CCL24: variants seen among roughly 807,000 people sequenced by gnomAD.
CCL24 encodes the protein C-C motif chemokine 24.
CCL24 carries 6 observed loss-of-function variants against 8.6 expected under a neutral mutation model. The observed-to-expected ratio is 0.70, with a 90% confidence interval of 0.38 to 1.38. The LOEUF (loss-of-function observed/expected upper bound fraction) is 1.38. Among genes scored for constraint, CCL24 ranks in the 40% most tolerant of loss-of-function variants. The pLI is 0.02. For missense variants in CCL24, 126 were observed against 147.1 expected, an observed-to-expected ratio of 0.86 and a Z score of 0.74; for synonymous variants, 59 against 52.7, an observed-to-expected ratio of 1.12 and a Z score of -0.52.
chr7:75,816,568 TTTA>T (rs1187096185), upstream of CCL24, among the ~76,000 whole-genome samples: 2 of 148,552 alleles, frequency 1.3e-5, no homozygotes, highest in Non-Finnish European at 3.0e-5. Flanking sequence ...TATTTATTTA[TTTA>T]TTATTTTTGA....
At chr7:75,820,089 C>CTTCTTCTTCTTCT (rs1491568735) in intron 1 of CCL24, among the ~76,000 whole-genome samples, 4 of 44,480 alleles carry the variant, frequency 9.0e-5, no homozygotes, top group East Asian at 2.9e-3. Context: ...CTTCTTCTTC[C>CTTCTTCTTCTTCT]TCTTCTTCTT....
chr7:75,812,037 G>T, intron 2 of CCL24, 73 bp from the exon 3 acceptor site: 8 of 1,286,258 alleles, frequency 6.2e-6, no homozygotes, highest in Middle Eastern at 2.2e-4. Context: ...ATGGCGGGGG[G>T]GATGTGGACG....
At chr7:75,812,462 G>C (rs1490473320) in intron 2 of CCL24, among the ~76,000 whole-genome samples, 3 of 152,108 alleles carry the variant, frequency 2.0e-5, no homozygotes, top group Non-Finnish European at 4.4e-5. Context: ...CTATTTGGAG[G>C]ACAGACACAT....
rs782355653 is a variant in CCL24 at position 75,813,648 on chromosome 7, G to A, written c.68C>T (p.Pro23Leu). 2 of 1,613,142 alleles carry A rather than the reference G, an allele frequency of 1.2e-6. No individual in the cohort carries two copies. The highest frequency in any genetic ancestry group is 1.7e-6 in the Non-Finnish European group (2 of 1,179,080). The change falls in exon 1 of 3, where the codon CCT becomes CTT. Residue 23 changes from proline (P) to leucine (L), a missense_variant. Physicochemically the swap from Pro to Leu is moderately conservative, Grantham distance 98 (BLOSUM62 -3). Transcript: ENST00000222902. ...CATCCTGTCGGAGGTCTTACCCGTA[G>A]GGATGATGTGGTGGGCACAGACACC... is the stretch of plus-strand genomic sequence containing the variant. ...FLGVCAHHII[P>L]TGSVVIPSPC...
chr7:75,813,284 C>T (rs375061578), intron 2 of CCL24, 22 bp downstream of exon 2: 21 of 1,443,960 alleles, frequency 1.5e-5, no homozygotes, highest in East Asian at 2.3e-5. Flanking sequence ...TCTCCTGCCA[C>T]GTGCCCATGA....
Position 75,811,245 on chromosome 7 carries a change from G to A in CCL24, c.*551C>T, listed in dbSNP as rs782617389. Among the ~76,000 whole-genome samples the A allele has an allele frequency of 4.0e-5, 6 of 151,788 alleles. No homozygotes were observed. The highest frequency in any genetic ancestry group is 1.9e-4 in the East Asian group (1 of 5,178). ...TGTAATCCCAGCACTTTGGGAGGCC[G>A]AGGCAGGTAGATCACTTGAGGCCAG... On this transcript the variant is annotated 3_prime_UTR_variant, in exon 3 of 3. Transcript: ENST00000222902.
chr7:75,811,493 A>G lies in CCL24; in HGVS notation c.*303T>C, dbSNP rs1803758511. Among the ~76,000 whole-genome samples the G allele has an allele frequency of 1.3e-5, 2 of 151,996 alleles. No homozygotes were observed. The highest frequency in any genetic ancestry group is 4.8e-5 in the African/African-American group (2 of 41,496). On this transcript the variant is annotated 3_prime_UTR_variant, in exon 3 of 3. Coordinates refer to ENST00000222902, the MANE Select transcript of CCL24 (RefSeq NM_002991.3). ...GACTCCGTCTCAGAAAAAAAAAAAAAAGAAAAAGCATCAGAACCAGGTCAG... is the reference window on the plus strand; with the variant it reads ...GACTCCGTCTCAGAAAAAAAAAAAAGAGAAAAAGCATCAGAACCAGGTCAG...
chr7:75,822,622 C>CAGG (rs3043412), intron 1 of CCL24, among the ~76,000 whole-genome samples: 74,686 of 151,686 alleles, frequency 0.49, 19,097 homozygotes, highest in East Asian at 0.78. Flanking sequence ...CACCAGGGGT[C>CAGG]AGTTCGAGAC....
upstream of CCL24, among the ~76,000 whole-genome samples, chr7:75,816,307 CT>C (rs201644684): frequency 0.028 from 4,302 of 152,220 alleles, 82 homozygotes; most frequent in Non-Finnish European, 0.04. Context: ...GGCGGGTCCC[CT>C]GATGGAGGCA....
intron 1 of CCL24, among the ~76,000 whole-genome samples, chr7:75,820,901 A>G (rs1180640236): frequency 6.7e-6 from 1 of 150,298 alleles, no homozygotes; most frequent in Non-Finnish European, 1.5e-5. Context: ...CCATTCATTA[A>G]TCCATCCATC....
chr7:75,815,353 A>G (rs958848316), upstream of CCL24, among the ~76,000 whole-genome samples: 3 of 151,542 alleles, frequency 2.0e-5, no homozygotes, highest in African/African-American at 7.3e-5. Flanking sequence ...AAAAAAAAAA[A>G]AAGAAAGGCT....
At chr7:75,815,593 C>T (rs1803872798), upstream of CCL24, among the ~76,000 whole-genome samples, 1 of 152,172 alleles carries the variant, frequency 6.6e-6, no homozygotes. Context: ...GGACAGAAGG[C>T]ACTGGCAACT....
upstream of CCL24, among the ~76,000 whole-genome samples, chr7:75,815,607 C>T (rs1389780785): frequency 2.0e-5 from 3 of 152,150 alleles, no homozygotes; most frequent in South Asian, 2.1e-4. Context: ...GGCAACTACG[C>T]GGAAGCCTGT....
At chr7:75,812,891 C>G (rs1470709675) in intron 2 of CCL24, among the ~76,000 whole-genome samples, 1 of 151,724 alleles carries the variant, frequency 6.6e-6, no homozygotes, top group African/African-American at 2.4e-5. Context: ...GATCGTACCA[C>G]TGCACTCCAG....
intron 1 of CCL24, among the ~76,000 whole-genome samples, chr7:75,820,034 C>CT (rs1803995499): frequency 7.6e-6 from 1 of 132,288 alleles, no homozygotes; most frequent in African/African-American, 2.8e-5. Context: ...TCTTCTTCTT[C>CT]TTCTTCTTCT....
At position 75,813,549 on chromosome 7, in the gene CCL24, G is replaced by A. The variant is rs1803822151; in HGVS notation, c.73+94C>T. ...CATTCACTGGGCCACCCTTTCCCCA[G>A]CGCTTCCCTCCAGCCCCAGGCTGGT... On this transcript the variant is annotated intron_variant, in intron 1 of 2. Transcript: ENST00000222902. The A allele has an allele frequency of 7.6e-6, 10 of 1,315,290 alleles. No individual in the cohort carries two copies. The South Asian group carries it at 1.2e-4, about 16-fold the overall frequency. The allele number at this position is 1,315,290 out of a possible 1,614,324, so 81.5% of individuals were successfully genotyped here. A position where few individuals can be genotyped will look rare whatever the true frequency, so the allele number is the denominator to read the frequency against.
intron 1 of CCL24, among the ~76,000 whole-genome samples, chr7:75,822,317 C>A (rs1253948246): frequency 4.6e-5 from 7 of 152,088 alleles, no homozygotes; most frequent in African/African-American, 1.7e-4. Flanking sequence ...ACTTGGTGGC[C>A]CAGGCAAGGT....
chr7:75,820,923 T>TCATCCATCCATCCATCCATCCATC (rs150165581), intron 1 of CCL24, among the ~76,000 whole-genome samples: 1 of 144,240 alleles, frequency 6.9e-6, no homozygotes, highest in Non-Finnish European at 1.5e-5. Flanking sequence ...ATCCATCAAT[T>TCATCCATCCATCCATCCATCCATC]CATCCATCCA....
Position 75,811,365 on chromosome 7 carries a change from G to C in CCL24, c.*431C>G, listed in dbSNP as rs1239596666. Among the ~76,000 whole-genome samples, 1 of 151,892 alleles carries C rather than the reference G, an allele frequency of 6.6e-6. No individual in the cohort carries two copies. Among genetic ancestry groups the C allele is most frequent in the Non-Finnish European group, 1.5e-5 (1 of 67,974 alleles). ...GTGGTGGTACACACCTGTAGTCCCA[G>C]GTACTCGGGAGGCTGAGGCACGAGA... On this transcript the variant is annotated 3_prime_UTR_variant, in exon 3 of 3. Transcript: ENST00000222902.
Sources: gnomAD v4.1 joint callset for allele counts (sites outside exome capture counted in the v4.1 genomes callset) on GRCh38, gnomAD v4.1.1 for gene constraint, MANE v1.5 for transcripts, NCBI Gene and HGNC (gene_info 2026-07-23, HGNC 2026-07-21) for gene names.